The following TMEM178B variants were observed in gnomAD, a reference collection of about 807,000 sequenced individuals.
The protein encoded by TMEM178B is transmembrane protein 178B.
A neutral mutation model predicts 31.0 loss-of-function variants in TMEM178B; 5 were observed. The ratio of observed to expected loss-of-function variants is 0.16; its 90% CI spans 0.08 to 0.34. TMEM178B has a LOEUF of 0.34. Among genes scored for constraint, TMEM178B ranks in the 10% least tolerant of loss-of-function variants. The probability of loss-of-function intolerance (pLI) is 1.00; values close to 1 mark genes in which losing one functional copy is unlikely to be tolerated. For synonymous variants in TMEM178B, 164 were observed against 164.0 expected (o/e 1.00, Z 0.00); for missense variants, 275 against 400.3 (o/e 0.69, Z 2.67).
chr7:141,328,999 T>C (rs1799246835), intron 2 of TMEM178B, among the ~76,000 whole-genome samples: 1 of 152,154 alleles, frequency 6.6e-6, no homozygotes, highest in Non-Finnish European at 1.5e-5. Context: ...TTGGCCTTCT[T>C]TATAAATTAA....
At chr7:141,447,827 A>G (rs566293423) in intron 3 of TMEM178B, among the ~76,000 whole-genome samples, 1 of 152,182 alleles carries the variant, frequency 6.6e-6, no homozygotes, top group Admixed American at 6.5e-5. Context: ...TGCAGGATGA[A>G]AACCCAGGAT....
At chr7:141,464,019 T>C (rs1802106556) in intron 3 of TMEM178B, among the ~76,000 whole-genome samples, 1 of 152,266 alleles carries the variant, frequency 6.6e-6, no homozygotes, top group South Asian at 2.1e-4. Context: ...AGGACTCCAG[T>C]GATCTGTTAC....
intron 3 of TMEM178B, among the ~76,000 whole-genome samples, chr7:141,450,088 C>T (rs1801836751): frequency 2.6e-5 from 4 of 152,196 alleles, no homozygotes; most frequent in Non-Finnish European, 5.9e-5. Flanking sequence ...AGCCACTGTG[C>T]CTCCCTGACT....
intron 2 of TMEM178B, among the ~76,000 whole-genome samples, chr7:141,285,157 T>G (rs1480414628): frequency 1.5e-5 from 2 of 136,656 alleles, no homozygotes; most frequent in Non-Finnish European, 3.2e-5. Context: ...CTTGTTTCTT[T>G]TTTTTTTTTT....
intron 2 of TMEM178B, among the ~76,000 whole-genome samples, chr7:141,384,387 A>G (rs1800391553): frequency 6.6e-6 from 1 of 152,158 alleles, no homozygotes; most frequent in South Asian, 2.1e-4. Flanking sequence ...TCTTGAATTA[A>G]TTTTTGTATA....
chr7:141,160,261 G>A (rs1162459132), intron 1 of TMEM178B, among the ~76,000 whole-genome samples: 1 of 151,974 alleles, frequency 6.6e-6, no homozygotes, highest in African/African-American at 2.4e-5. Flanking sequence ...TATGTGAGGT[G>A]ATGAATTTCA....
intron 1 of TMEM178B, among the ~76,000 whole-genome samples, chr7:141,181,270 C>A (rs1395054417): frequency 6.6e-6 from 1 of 152,202 alleles, no homozygotes; most frequent in Non-Finnish European, 1.5e-5. Flanking sequence ...GAGGCCTCAA[C>A]ACACAATAAG....
At chr7:141,140,754 T>A (rs1795755650) in intron 1 of TMEM178B, among the ~76,000 whole-genome samples, 1 of 152,206 alleles carries the variant, frequency 6.6e-6, no homozygotes, top group Non-Finnish European at 1.5e-5. Context: ...CAGATGCTCC[T>A]CTACTGGAAC....
At chr7:141,275,860 G>T (rs1798258234) in intron 2 of TMEM178B, among the ~76,000 whole-genome samples, 1 of 152,186 alleles carries the variant, frequency 6.6e-6, no homozygotes, top group Non-Finnish European at 1.5e-5. Flanking sequence ...AAGCATCATT[G>T]CTGCAGAGAA....
intron 2 of TMEM178B, among the ~76,000 whole-genome samples, chr7:141,220,663 C>T (rs1056559337): frequency 2.0e-5 from 3 of 152,128 alleles, no homozygotes; most frequent in Non-Finnish European, 2.9e-5. Context: ...TTCATGTGAA[C>T]GCACAGGTCC....
chr7:141,237,325 A>G (rs1238690267), intron 2 of TMEM178B, among the ~76,000 whole-genome samples: 1 of 152,198 alleles, frequency 6.6e-6, no homozygotes, highest in Non-Finnish European at 1.5e-5. Flanking sequence ...ATCACTAAAA[A>G]TTGGTAATGA....
At chr7:141,510,685 C>CAAAAAAAAAAAAAAAAAAAAA in the TMEM178B span, among the ~76,000 whole-genome samples, 39 of 24,966 alleles carry the variant, frequency 1.6e-3, 4 homozygotes, top group Non-Finnish European at 1.9e-3. Context: ...AACTCCGTCT[C>CAAAAAAAAAAAAAAAAAAAAA]AAAAAAAAAA....
chr7:141,218,076 A>G (rs142129030), intron 2 of TMEM178B, among the ~76,000 whole-genome samples: 25 of 151,058 alleles, frequency 1.7e-4, no homozygotes, highest in African/African-American at 6.1e-4. Flanking sequence ...CCTACTCCCT[A>G]CCCCCAACCC....
intron 2 of TMEM178B, among the ~76,000 whole-genome samples, chr7:141,215,228 T>G (rs1228068022): frequency 6.6e-6 from 1 of 152,066 alleles, no homozygotes; most frequent in Non-Finnish European, 1.5e-5. Flanking sequence ...TGAAAAAAAA[T>G]CAGTTTGATT....
At chr7:141,104,225 G>A (rs758597733) in intron 1 of TMEM178B, among the ~76,000 whole-genome samples, 12 of 152,212 alleles carry the variant, frequency 7.9e-5, no homozygotes, top group South Asian at 4.1e-4. Context: ...GGAGACTGAC[G>A]GCATGTGGGC....
At chr7:141,365,913 T>G (rs576131828) in intron 2 of TMEM178B, among the ~76,000 whole-genome samples, 4 of 152,362 alleles carry the variant, frequency 2.6e-5, no homozygotes, top group East Asian at 3.9e-4. Flanking sequence ...GTATCTTTTT[T>G]GGGGATACAA....
intron 2 of TMEM178B, among the ~76,000 whole-genome samples, chr7:141,371,777 C>T (rs1384641198): frequency 3.9e-5 from 6 of 152,162 alleles, no homozygotes; most frequent in African/African-American, 1.4e-4. Context: ...TAAGGCCACT[C>T]AGCCCATCTG....
At chr7:141,212,386 C>T (rs762229745) in intron 1 of TMEM178B, among the ~76,000 whole-genome samples, 52 of 152,284 alleles carry the variant, frequency 3.4e-4, no homozygotes, top group Non-Finnish European at 3.4e-4. Context: ...ATCCCAAAGA[C>T]GTATTTTTCC....
chr7:141,087,662 A>G (rs1563084090), intron 1 of TMEM178B, among the ~76,000 whole-genome samples: 1 of 152,140 alleles, frequency 6.6e-6, no homozygotes, highest in Non-Finnish European at 1.5e-5. Context: ...AATAGAGTAT[A>G]TTTGTCTTCT....
Sources: gnomAD v4.1 joint callset for allele counts (sites outside exome capture counted in the v4.1 genomes callset) on GRCh38, gnomAD v4.1.1 for gene constraint, MANE v1.5 for transcripts, NCBI Gene and HGNC (gene_info 2026-07-23, HGNC 2026-07-21) for gene names.